The following SP140L variants were observed in gnomAD, a reference collection of about 807,000 sequenced individuals.
The protein encoded by SP140L is nuclear body protein SP140-like protein.
In SP140L, 64 loss-of-function variants were observed where a neutral mutation model predicts 84.3. That is an observed-to-expected ratio of 0.76 (90% CI 0.62 to 0.94). The LOEUF is 0.94. SP140L is among the 40% of genes least tolerant of loss of function. The pLI is 0.00. For synonymous variants in SP140L, 242 were observed against 236.9 expected, an observed-to-expected ratio of 1.02 and a Z score of -0.20; for missense variants, 628 against 692.5, an observed-to-expected ratio of 0.91 and a Z score of 1.05.
intron 10 of SP140L, among the ~76,000 whole-genome samples, chr2:230,389,423 G>A (rs115471332): frequency 0.012 from 1,774 of 152,208 alleles, 9 homozygotes; most frequent in Non-Finnish European, 0.02. Flanking sequence ...AGGGGAAAAT[G>A]GAGCAAAGCA....
rs911512002 is a variant in SP140L at position 230,354,926 on chromosome 2, AAAAAAG to A, written c.108-2863_108-2858del. On this transcript the variant is annotated intron_variant, in intron 2 of 18. Coordinates refer to ENST00000415673, the MANE Select transcript of SP140L (RefSeq NM_138402.6). ...AGAGAAAGAAGAAAGAAAAAGAAAG[AAAAAAG>A]AAAAAGAAAAAGAAAGAAAGAGAAA... Among the ~76,000 whole-genome samples the A allele has an allele frequency of 1.5e-4, 22 of 150,784 alleles. 1 individual carries two copies. The highest frequency in any genetic ancestry group is 9.9e-4 in the East Asian group (5 of 5,040).
intron 9 of SP140L, 51 bp from the exon 10 acceptor site, chr2:230,388,508 G>T (rs1004647242): frequency 3.8e-4 from 565 of 1,487,098 alleles, no homozygotes; most frequent in Non-Finnish European, 4.7e-4. Flanking sequence ...AGCAATATAT[G>T]TAACACAGCT....
At chr2:230,352,164 AGTCT>A (rs1409120643) in intron 2 of SP140L, among the ~76,000 whole-genome samples, 1 of 152,072 alleles carries the variant, frequency 6.6e-6, no homozygotes, top group Non-Finnish European at 1.5e-5. Context: ...TTTGCTATTT[AGTCT>A]GAGTATTTTT....
In SP140L at chr2:230,359,159, G is replaced by T. The variant is rs748472572; in HGVS notation, c.439+27G>T. On this transcript the variant is annotated intron_variant, in intron 4 of 18. Coordinates refer to ENST00000415673, the MANE Select transcript of SP140L (RefSeq NM_138402.6). ...TAATTAGGTTTATTATCTACCTTTTGATTTCCGGGGCCAATTTTTTTCAAT... is the reference window on the plus strand; with the variant it reads ...TAATTAGGTTTATTATCTACCTTTTTATTTCCGGGGCCAATTTTTTTCAAT... 7 of 1,595,728 alleles carry T rather than the reference G, an allele frequency of 4.4e-6. No individual in the cohort carries two copies. The African/African-American group carries it at 6.8e-5, about 16-fold the overall frequency.
chr2:230,380,578 T>C (rs1319682059), intron 7 of SP140L, among the ~76,000 whole-genome samples: 1 of 152,206 alleles, frequency 6.6e-6, no homozygotes, highest in African/African-American at 2.4e-5. Context: ...GAAATCTTTA[T>C]CAAGATACAG....
chr2:230,368,521 A>G (rs1053544200), intron 5 of SP140L, among the ~76,000 whole-genome samples: 1 of 152,106 alleles, frequency 6.6e-6, no homozygotes. Flanking sequence ...GTTTTATGCT[A>G]TTATCTCTTT....
intron 2 of SP140L, among the ~76,000 whole-genome samples, chr2:230,342,401 C>G (rs553245997): frequency 6.6e-6 from 1 of 152,332 alleles, no homozygotes; most frequent in South Asian, 2.1e-4. Flanking sequence ...CTGGCACTCT[C>G]TAGTGAGATG....
intron 5 of SP140L, among the ~76,000 whole-genome samples, chr2:230,366,402 A>G (rs2060871269): frequency 6.6e-6 from 1 of 151,966 alleles, no homozygotes; most frequent in African/African-American, 2.4e-5. Context: ...TTAGTATTCA[A>G]TTTGAATTTA....
At chr2:230,377,946 G>A (rs1052475965) in intron 7 of SP140L, among the ~76,000 whole-genome samples, 8 of 152,082 alleles carry the variant, frequency 5.3e-5, no homozygotes, top group African/African-American at 9.6e-5. Context: ...TGGTGTTAGC[G>A]CTTATTGAGA....
chr2:230,361,534 A>G (rs937323028), intron 4 of SP140L, 80 bp from the exon 5 acceptor site: 1 of 1,094,850 alleles, frequency 9.1e-7, no homozygotes, highest in African/African-American at 1.6e-5. Flanking sequence ...AATGCTGGAA[A>G]TTCCTAAAAG....
At chr2:230,331,533 T>G (rs1297515491) in intron 2 of SP140L, among the ~76,000 whole-genome samples, 2 of 152,238 alleles carry the variant, frequency 1.3e-5, no homozygotes, top group Non-Finnish European at 2.9e-5. Context: ...TAGTGTTCTG[T>G]AACCTGTCTT....
At chr2:230,386,466 C>T (rs778717678) in intron 9 of SP140L, among the ~76,000 whole-genome samples, 4 of 152,152 alleles carry the variant, frequency 2.6e-5, no homozygotes, top group Non-Finnish European at 4.4e-5. Flanking sequence ...CCAACCATAA[C>T]AATTATTTTA....
intron 4 of SP140L, 87 bp downstream of exon 4, chr2:230,359,219 A>G (rs193220567): frequency 1.0e-4 from 124 of 1,206,878 alleles, no homozygotes; most frequent in Non-Finnish European, 1.3e-4. Context: ...TGTGCGATAC[A>G]TTGTGTTGGG....
rs796317845 is a variant in SP140L at position 230,381,741 on chromosome 2, C to T, written c.638-1769C>T. On this transcript the variant is annotated intron_variant, in intron 7 of 18. Transcript: ENST00000415673. ...ACACACACACACACACACACACACA[C>T]ACACACACACACACACACATTTCAT... 8.3e-4 allele frequency among the ~76,000 whole-genome samples: 125 copies of T among 150,774 alleles called. 2 individuals are homozygous for T. In the South Asian group the frequency reaches 9.5e-3, roughly 11 times the overall value.
rs532554545 is a variant in SP140L at position 230,358,806 on chromosome 2, C to T, written c.271-158C>T. ...TTAAGGAGATGGGATTTACTTCTTT[C>T]ATTACTGGCTATACAAATATGTAAA... is the stretch of plus-strand genomic sequence containing the variant. On this transcript the variant is annotated intron_variant, in intron 3 of 18. Transcript: ENST00000415673. 7.6e-4 allele frequency among the ~76,000 whole-genome samples: 115 copies of T among 152,310 alleles called. No individual in the cohort carries two copies. The South Asian group carries it at 9.8e-3, about 13-fold the overall frequency.
intron 2 of SP140L, among the ~76,000 whole-genome samples, chr2:230,334,908 G>A (rs973758207): frequency 3.3e-5 from 5 of 151,878 alleles, no homozygotes; most frequent in South Asian, 2.1e-4. Flanking sequence ...TGACCTTTGA[G>A]GCAGTTTTTA....
intron 5 of SP140L, among the ~76,000 whole-genome samples, chr2:230,369,854 G>A (rs1051809395): frequency 2.0e-5 from 3 of 152,160 alleles, no homozygotes; most frequent in Non-Finnish European, 4.4e-5. Flanking sequence ...ACTCACTGCA[G>A]CCTCTGCCTC....
At chr2:230,377,086 C>G (rs1301902609) in intron 7 of SP140L, among the ~76,000 whole-genome samples, 1 of 152,120 alleles carries the variant, frequency 6.6e-6, no homozygotes, top group Non-Finnish European at 1.5e-5. Context: ...ATATAAATAC[C>G]TCCACTATCA....
intron 15 of SP140L, chr2:230,400,465 G>A (rs990112815): frequency 1.8e-6 from 1 of 550,634 alleles, no homozygotes; most frequent in African/African-American, 1.9e-5. Context: ...GCTGAGGCCA[G>A]TGTTGGGGAC....
Sources: gnomAD v4.1 joint callset for allele counts (sites outside exome capture counted in the v4.1 genomes callset) on GRCh38, gnomAD v4.1.1 for gene constraint, MANE v1.5 for transcripts, NCBI Gene and HGNC (gene_info 2026-07-23, HGNC 2026-07-21) for gene names.